SORCS1: variants seen among roughly 807,000 people sequenced by gnomAD.
SORCS1 encodes the protein VPS10 domain-containing receptor SorCS1.
In SORCS1, 60 loss-of-function variants were observed where a neutral mutation model predicts 146.1. The observed-to-expected ratio is 0.41, with a 90% CI of 0.33 to 0.51. SORCS1 has a LOEUF of 0.51. Among genes scored for constraint, SORCS1 ranks in the 20% least tolerant of loss-of-function variants. SORCS1 has a pLI of 0.21. For synonymous variants in SORCS1, 637 were observed against 584.0 expected (o/e 1.09, Z -1.31); for missense variants, 1,352 against 1,487.6 (o/e 0.91, Z 1.50).
At chr10:107,100,048 C>A (rs1964810641) in intron 1 of SORCS1, among the ~76,000 whole-genome samples, 1 of 152,208 alleles carries the variant, frequency 6.6e-6, no homozygotes, top group South Asian at 2.1e-4. Context: ...AAGCTGCAAT[C>A]TTTCTGGGTC....
At chr10:106,689,911 T>C (rs1391852125) in intron 9 of SORCS1, among the ~76,000 whole-genome samples, 2 of 152,222 alleles carry the variant, frequency 1.3e-5, no homozygotes, top group Non-Finnish European at 2.9e-5. Flanking sequence ...TAATTTATAG[T>C]TGGGCCAAAT....
chr10:106,918,335 G>C (rs1454698368), intron 2 of SORCS1, among the ~76,000 whole-genome samples: 1 of 151,816 alleles, frequency 6.6e-6, no homozygotes, highest in Non-Finnish European at 1.5e-5. Flanking sequence ...TAATTTTTTT[G>C]TATTTTTTTA....
At chr10:106,634,087 T>A (rs1848589166) in intron 18 of SORCS1, among the ~76,000 whole-genome samples, 1 of 152,196 alleles carries the variant, frequency 6.6e-6, no homozygotes, top group Non-Finnish European at 1.5e-5. Context: ...AAGGGTGTAT[T>A]AATAAGGCTG....
intron 1 of SORCS1, among the ~76,000 whole-genome samples, chr10:106,963,617 T>C (rs1304246943): frequency 6.6e-6 from 1 of 151,916 alleles, no homozygotes; most frequent in East Asian, 1.9e-4. Flanking sequence ...ATACAACTTA[T>C]GGGCATAAAA....
In SORCS1 at chr10:106,612,058, C is replaced by G. The variant is rs1302451081; in HGVS notation, c.2921-35G>C. 4 of 1,498,954 alleles carry G rather than the reference C, an allele frequency of 2.7e-6. No individual in the cohort carries two copies. In the East Asian group the frequency reaches 6.8e-5, roughly 25 times the overall value. The allele number at this position is 1,498,954 out of a possible 1,614,324, so 92.9% of individuals were successfully genotyped here. ...TAACAGTAGATGGAGTACTATAAGT[C>G]AAATAGTCCTGTCAAGAGGTTTGTT... is the stretch of plus-strand genomic sequence containing the variant. On this transcript the variant is annotated intron_variant, in intron 21 of 25. Transcript: ENST00000263054.
At chr10:107,036,808 A>G (rs1192895406) in intron 1 of SORCS1, among the ~76,000 whole-genome samples, 1 of 152,196 alleles carries the variant, frequency 6.6e-6, no homozygotes, top group Non-Finnish European at 1.5e-5. Flanking sequence ...CTCTCATTTG[A>G]GTGAAGGAAA....
chr10:107,097,746 A>G (rs879938335), intron 1 of SORCS1, among the ~76,000 whole-genome samples: 1 of 152,200 alleles, frequency 6.6e-6, no homozygotes, highest in Non-Finnish European at 1.5e-5. Flanking sequence ...ATAGCTGCAC[A>G]TCAGCTAGTG....
At chr10:107,155,018 T>C (rs1200078112) in intron 1 of SORCS1, among the ~76,000 whole-genome samples, 1 of 152,198 alleles carries the variant, frequency 6.6e-6, no homozygotes, top group Admixed American at 6.5e-5. Context: ...CAATAAATTA[T>C]ATTTTAAATC....
chr10:107,105,494 G>A (rs559410451), intron 1 of SORCS1, among the ~76,000 whole-genome samples: 3 of 152,176 alleles, frequency 2.0e-5, no homozygotes, highest in Non-Finnish European at 4.4e-5. Flanking sequence ...TCGAGAAGCC[G>A]ACAGTGCAGC....
intron 2 of SORCS1, among the ~76,000 whole-genome samples, chr10:106,890,221 C>T (rs1951176634): frequency 2.0e-5 from 3 of 152,178 alleles, no homozygotes. Context: ...TCCCATTTCC[C>T]TTTCTCACTG....
intron 1 of SORCS1, among the ~76,000 whole-genome samples, chr10:106,958,397 T>C (rs1482585813): frequency 6.6e-6 from 1 of 152,206 alleles, no homozygotes; most frequent in Non-Finnish European, 1.5e-5. Flanking sequence ...TAACCTTAAA[T>C]TCCGGGGCTG....
rs1315115502 is a variant in SORCS1, at chr10:106,688,202, T to C, written c.1550A>G (p.His517Arg). Reference protein sequence around the residue: ...PDTDLRGDPVHCLLPYCSLHL... With the variant: ...PDTDLRGDPVRCLLPYCSLHL... Reference sequence around the variant, plus strand: ...AATAGGAAGACTCACCAGCAAGCAGTGCACGGGGTCCCCCCTTAGATCCGT... The same window carrying C: ...AATAGGAAGACTCACCAGCAAGCAGCGCACGGGGTCCCCCCTTAGATCCGT... Residue 517 changes from histidine (H) to arginine (R), a missense_variant, in exon 10 of 26, where the codon CAC (histidine) becomes CGC (arginine). His to Arg is a conservative substitution (Grantham distance 29). Transcript: ENST00000263054. 2 of 1,613,520 alleles carry C rather than the reference T, an allele frequency of 1.2e-6. No individual in the cohort carries two copies. The highest frequency in any genetic ancestry group is 4.5e-5 in the East Asian group (2 of 44,878).
intron 2 of SORCS1, among the ~76,000 whole-genome samples, chr10:106,850,546 C>A: frequency 6.6e-6 from 1 of 152,096 alleles, no homozygotes. Context: ...CACCCGTCTT[C>A]TGCGTTGCTC....
rs200593273 is a variant in SORCS1, at chr10:107,049,183, G to A, written c.559-92603C>T. The stretch of plus-strand genomic sequence containing the variant: ...TCGCAAGGACAAAAAACCAAACACC[G>A]CATGTTCTCACTCATAGGTGGTGGG... On this transcript the variant is annotated intron_variant, in intron 1 of 25. Transcript: ENST00000263054. Among the ~76,000 whole-genome samples the A allele has an allele frequency of 1.4e-4, 21 of 147,042 alleles. No individual in the cohort carries two copies. The East Asian group carries it at 1.8e-3, about 13-fold the overall frequency.
intron 2 of SORCS1, among the ~76,000 whole-genome samples, chr10:106,951,988 G>C (rs1299486105): frequency 6.6e-6 from 1 of 152,140 alleles, no homozygotes; most frequent in African/African-American, 2.4e-5. Flanking sequence ...AAAGGCCCTG[G>C]AAGCCTCTCA....
At chr10:106,986,855 C>T (rs1167101344) in intron 1 of SORCS1, among the ~76,000 whole-genome samples, 1 of 151,908 alleles carries the variant, frequency 6.6e-6, no homozygotes, top group African/African-American at 2.4e-5. Flanking sequence ...TCTGTGACCC[C>T]CATCTATTCT....
chr10:106,932,006 T>C (rs530175320), intron 2 of SORCS1, among the ~76,000 whole-genome samples: 1 of 152,256 alleles, frequency 6.6e-6, no homozygotes, highest in African/African-American at 2.4e-5. Context: ...TTCACAGACT[T>C]GAATGCTTCC....
the SORCS1 span, among the ~76,000 whole-genome samples, chr10:107,180,499 T>A: frequency 4.1e-4 from 63 of 152,316 alleles, 1 homozygote; most frequent in South Asian, 7.2e-3. Flanking sequence ...CTGATTCTGA[T>A]AACTTTGTCT....
chr10:106,914,074 A>T lies in SORCS1; in HGVS notation c.626+42439T>A, dbSNP rs189850239. 2.6e-5 allele frequency among the ~76,000 whole-genome samples: 4 copies of T among 152,336 alleles called. No homozygotes were observed. In the East Asian group the frequency reaches 7.7e-4, roughly 29 times the overall value. On this transcript the variant is annotated intron_variant, in intron 2 of 25. Transcript: ENST00000263054. ...GATTGACTTCAAAACACTATCATCA[A>T]TCATGCTAATAAGCACTTAAAAAGT...
Sources: gnomAD v4.1 joint callset for allele counts (sites outside exome capture counted in the v4.1 genomes callset) on GRCh38, gnomAD v4.1.1 for gene constraint, MANE v1.5 for transcripts, NCBI Gene and HGNC (gene_info 2026-07-23, HGNC 2026-07-21) for gene names.